Variants in MME observed in about 807,000 individuals in gnomAD.
MME encodes membrane metalloendopeptidase.
A neutral mutation model predicts 113.2 loss-of-function variants in MME; 98 were observed. That is an observed-to-expected ratio of 0.87 (90% confidence interval 0.74 to 1.02). The LOEUF (loss-of-function observed/expected upper bound fraction) is 1.02. MME is among the 50% of genes least tolerant of loss of function. The pLI is 0.00. For missense variants in MME, 836 were observed against 896.0 expected (o/e 0.93, Z 0.86); for synonymous variants, 292 against 300.6 (o/e 0.97, Z 0.30).
rs78016451 is a variant in MME, at chr3:155,168,007, T to A, written c.1781-485T>A. Among the ~76,000 whole-genome samples, 896 of 152,306 alleles carry A rather than the reference T, an allele frequency of 5.9e-3. 6 individuals are homozygous for A. The highest frequency in any genetic ancestry group is 0.021 in the African/African-American group (869 of 41,566). ...GGAGCTCAAAAGGGAGAAAGATCGA[T>A]GTAGTTTGTGGTTGGCAAGGAAGCT... On this transcript the variant is annotated intron_variant, in intron 18 of 22. Transcript: ENST00000360490.
chr3:155,090,100 C>T, intron 3 of MME: 2 of 209,964 alleles, frequency 9.5e-6, no homozygotes, highest in Admixed American at 9.6e-5. Context: ...GGGACCACCT[C>T]CACCTGTATA....
Position 155,148,544 on chromosome 3 carries a change from A to G in MME, c.1498-6A>G. 1 of 1,570,830 alleles carries G rather than the reference A, an allele frequency of 6.4e-7. No homozygotes were observed. The highest frequency in any genetic ancestry group is 2.2e-5 in the East Asian group (1 of 44,530). On this transcript the variant is annotated splice_region_variant and splice_polypyrimidine_tract_variant and intron_variant, in intron 15 of 22. Transcript: ENST00000360490. ...TATTTCTTCCCAAATCTTCTTTATA[A>G]TACAGTTGAACTACAAAGAAGATGA... is the stretch of plus-strand genomic sequence containing the variant.
rs1720788222 is a variant in MME at position 155,138,215 on chromosome 3, A to C, written c.834A>C (p.Glu278Asp). The C allele has an allele frequency of 6.2e-7, 1 of 1,613,494 alleles. No individual in the cohort carries two copies. The highest frequency in any genetic ancestry group is 1.3e-5 in the African/African-American group (1 of 74,890). Residue 278 changes from glutamate (E) to aspartate (D), a missense_variant, in exon 9 of 23, where the codon GAA (glutamate) becomes GAC (aspartate). By Grantham distance (45) the Glu-to-Asp change is conservative (BLOSUM62 2). Transcript: ENST00000360490. ...CTTTGGAAATGAATAAAGTTATGGA[A>C]TTGGAAAAAGAAATTGCCAATGTAA... ...QLALEMNKVMELEKEIANATA... is the reference protein window; with the variant it reads ...QLALEMNKVMDLEKEIANATA...
rs200437403 is a variant in MME, at chr3:155,182,262, T to C, written c.*1803T>C. 1 of 152,238 alleles carries C rather than the reference T, an allele frequency of 6.6e-6. No homozygotes were observed. Among genetic ancestry groups the C allele is most frequent in the South Asian group, 2.1e-4 (1 of 4,834 alleles). The allele number at this position is 152,238 out of a possible 1,614,324, so 9.4% of individuals were successfully genotyped here. ...CTGATTGTGGATCTTTTCATTCTCATTGCAGAATAATGTTCTATTGTGGGA... is the reference window on the plus strand; with the variant it reads ...CTGATTGTGGATCTTTTCATTCTCACTGCAGAATAATGTTCTATTGTGGGA... On this transcript the variant is annotated 3_prime_UTR_variant, in exon 23 of 23. Transcript: ENST00000360490.
intron 1 of MME, among the ~76,000 whole-genome samples, chr3:155,057,420 T>C (rs1317689947): frequency 1.3e-5 from 2 of 152,054 alleles, no homozygotes; most frequent in African/African-American, 4.8e-5. Context: ...CCAGTTAGAA[T>C]GGCAATCATT....
chr3:155,103,123 C>T (rs1717402244), intron 3 of MME, among the ~76,000 whole-genome samples: 1 of 152,204 alleles, frequency 6.6e-6, no homozygotes, highest in African/African-American at 2.4e-5. Context: ...TCATATCCCA[C>T]TTGTTATTAG....
chr3:155,046,038 A>G (rs1713546462), intron 1 of MME, among the ~76,000 whole-genome samples: 1 of 151,974 alleles, frequency 6.6e-6, no homozygotes, highest in Admixed American at 6.6e-5. Context: ...AAATTTGGGG[A>G]ATTTTAGCCG....
chr3:155,107,660 C>T (rs1361861323), intron 3 of MME, among the ~76,000 whole-genome samples: 1 of 152,130 alleles, frequency 6.6e-6, no homozygotes, highest in Admixed American at 6.5e-5. Context: ...TCACCTACTC[C>T]CTAAAATGTA....
chr3:155,141,861 C>A, intron 10 of MME, 130 bp from the exon 11 acceptor site: 1 of 979,640 alleles, frequency 1.0e-6, no homozygotes, highest in Non-Finnish European at 1.5e-6. Context: ...TATTTAAAAA[C>A]TGATTGAAAC....
intron 8 of MME, among the ~76,000 whole-genome samples, chr3:155,128,487 A>G (rs1576620656): frequency 6.6e-6 from 1 of 152,148 alleles, no homozygotes; most frequent in Non-Finnish European, 1.5e-5. Context: ...CCTTCAGTAG[A>G]GGAGTTATAA....
intron 17 of MME, among the ~76,000 whole-genome samples, chr3:155,162,507 T>C (rs1722790819): frequency 1.3e-5 from 2 of 152,096 alleles, no homozygotes; most frequent in South Asian, 4.2e-4. Flanking sequence ...AAAGACCTTT[T>C]CCAAGATCCT....
chr3:155,149,038 T>G (rs1721732856), intron 16 of MME, among the ~76,000 whole-genome samples: 1 of 152,056 alleles, frequency 6.6e-6, no homozygotes, highest in African/African-American at 2.4e-5. Context: ...CAGCCCCACC[T>G]TTTTTCTATC....
chr3:155,168,888 C>G (rs776428834), intron 20 of MME, 91 bp downstream of exon 20: 20 of 1,067,746 alleles, frequency 1.9e-5, no homozygotes, highest in Non-Finnish European at 2.5e-5. Flanking sequence ...AAAAAAGAAA[C>G]TCATATAAGC....
intron 3 of MME, among the ~76,000 whole-genome samples, chr3:155,113,950 TG>T (rs1718387615): frequency 1.3e-5 from 2 of 151,960 alleles, no homozygotes; most frequent in South Asian, 4.2e-4. Flanking sequence ...GCCAAAAAAG[TG>T]GTTCAATGGG....
intron 9 of MME, among the ~76,000 whole-genome samples, chr3:155,139,385 T>C (rs1350248229): frequency 6.6e-5 from 10 of 152,160 alleles, no homozygotes; most frequent in Non-Finnish European, 1.3e-4. Context: ...AAATCCAGCA[T>C]AGTATTGCAC....
At chr3:155,077,608 G>C (rs1348934896), upstream of MME, among the ~76,000 whole-genome samples, 1 of 152,060 alleles carries the variant, frequency 6.6e-6, no homozygotes, top group Admixed American at 6.6e-5. Flanking sequence ...ATATTGTAAG[G>C]GAGATGTGGG....
intron 3 of MME, 40 bp downstream of exon 3, chr3:155,085,134 T>A (rs755468821): frequency 1.6e-6 from 2 of 1,283,690 alleles, no homozygotes; most frequent in Non-Finnish European, 2.2e-6. Flanking sequence ...ATACAACTGA[T>A]GTATAATATT....
intron 1 of MME, among the ~76,000 whole-genome samples, chr3:155,044,238 T>C (rs1713465568): frequency 6.8e-6 from 1 of 148,096 alleles, no homozygotes; most frequent in Non-Finnish European, 1.5e-5. Flanking sequence ...GTTCAAGCAA[T>C]TCTCCTGCCT....
At chr3:155,084,950 G>T in intron 2 of MME, 109 bp from the exon 3 acceptor site, 1 of 684,434 alleles carries the variant, frequency 1.5e-6, no homozygotes, top group Non-Finnish European at 2.5e-6. Context: ...TTTAGTTCTT[G>T]CTTTAAGAAA....
Sources: allele counts gnomAD v4.1 joint callset (sites outside exome capture counted in the v4.1 genomes callset), GRCh38; gene constraint gnomAD v4.1.1; transcripts MANE v1.5; gene names NCBI Gene and HGNC (gene_info 2026-07-23, HGNC 2026-07-21).